Variants in DOK6 observed in about 807,000 individuals in gnomAD.
The protein encoded by DOK6 is docking protein 6, also known as downstream of tyrosine kinase 6.
A neutral mutation model predicts 44.0 loss-of-function variants in DOK6; 22 were observed. The ratio of observed to expected loss-of-function variants is 0.50; its 90% CI spans 0.36 to 0.71. The LOEUF (loss-of-function observed/expected upper bound fraction) is 0.71. Ranked by LOEUF, DOK6 falls within the 30% of genes least tolerant of loss-of-function variation. The pLI is 0.00. For synonymous variants in DOK6, 166 were observed against 145.5 expected (o/e 1.14, Z -1.01); for missense variants, 340 against 416.4 (o/e 0.82, Z 1.60).
intron 7 of DOK6, among the ~76,000 whole-genome samples, chr18:69,766,393 A>G (rs1211075005): frequency 2.6e-5 from 4 of 152,220 alleles, no homozygotes; most frequent in Non-Finnish European, 1.5e-5. Flanking sequence ...TGAATCTAAA[A>G]GAAAAGTCGA....
chr18:69,434,215 A>G lies in DOK6; in HGVS notation c.66+32905A>G, dbSNP rs77215446. The stretch of plus-strand genomic sequence containing the variant: ...TTGAGATGTGGTTTTCAATTTCTCT[A>G]CCATTCCACAAATACCTATTGATTT... On this transcript the variant is annotated intron_variant, in intron 1 of 7. Coordinates refer to ENST00000382713, the MANE Select transcript of DOK6 (RefSeq NM_152721.6). Among the ~76,000 whole-genome samples the G allele has an allele frequency of 3.8e-3, 581 of 152,290 alleles. 3 individuals are homozygous for G. Among genetic ancestry groups the G allele is most frequent in the African/African-American group, 0.013 (560 of 41,548 alleles).
chr18:69,479,697 AT>A (rs1248884420), intron 1 of DOK6, among the ~76,000 whole-genome samples: 1 of 152,176 alleles, frequency 6.6e-6, no homozygotes, highest in African/African-American at 2.4e-5. Flanking sequence ...AATACTCCTT[AT>A]CACCTGTGGT....
intron 1 of DOK6, among the ~76,000 whole-genome samples, chr18:69,402,356 C>G (rs948645106): frequency 5.9e-5 from 9 of 152,158 alleles, no homozygotes; most frequent in Non-Finnish European, 1.2e-4. Flanking sequence ...TCCTGTGTTC[C>G]CTGATGACTG....
At chr18:69,531,278 TTA>T (rs1354364201) in intron 1 of DOK6, among the ~76,000 whole-genome samples, 1 of 145,668 alleles carries the variant, frequency 6.9e-6, no homozygotes, top group Admixed American at 7.4e-5. Context: ...ATATAATATA[TTA>T]TATGTTATAT....
At chr18:69,801,951 A>G (rs2145106817) in intron 7 of DOK6, among the ~76,000 whole-genome samples, 1 of 152,278 alleles carries the variant, frequency 6.6e-6, no homozygotes, top group East Asian at 1.9e-4. Context: ...GCAAAGGAAG[A>G]AGGAAAAATT....
chr18:69,551,768 T>C (rs1160840362), intron 1 of DOK6, among the ~76,000 whole-genome samples: 1 of 152,206 alleles, frequency 6.6e-6, no homozygotes, highest in African/African-American at 2.4e-5. Context: ...CATCAAAATT[T>C]CACTCTTAGC....
At position 69,607,445 on chromosome 18, in the gene DOK6, A is replaced by G. The variant is rs150564591; in HGVS notation, c.289+7947A>G. ...TATTCGAGAGCGATTTAATTACTAT[A>G]TAAAGGAAAATAACAAGTCTTATTT... On this transcript the variant is annotated intron_variant, in intron 3 of 7. Transcript: ENST00000382713. Among the ~76,000 whole-genome samples the G allele has an allele frequency of 3.1e-3, 471 of 152,300 alleles. 5 individuals are homozygous for G. The highest frequency in any genetic ancestry group is 0.011 in the African/African-American group (438 of 41,582).
At position 69,841,451 on chromosome 18, in the gene DOK6, C is replaced by A. The variant is rs1982218129; in HGVS notation, c.*68C>A. 1 of 1,588,642 alleles carries A rather than the reference C, an allele frequency of 6.3e-7. No individual in the cohort carries two copies. Among genetic ancestry groups the A allele is most frequent in the African/African-American group, 1.3e-5 (1 of 74,380 alleles). ...GACCCGTCTGTGGGGTCATTACCCT[C>A]TGCCTCCTGGAAGACCAATTGCAGT... On this transcript the variant is annotated 3_prime_UTR_variant, in exon 8 of 8. Coordinates refer to ENST00000382713, the MANE Select transcript of DOK6 (RefSeq NM_152721.6).
At chr18:69,412,594 C>T (rs1978310949) in intron 1 of DOK6, among the ~76,000 whole-genome samples, 1 of 151,934 alleles carries the variant, frequency 6.6e-6, no homozygotes, top group African/African-American at 2.4e-5. Context: ...TGTTTTTCAC[C>T]ATATATTTCC....
intron 5 of DOK6, among the ~76,000 whole-genome samples, chr18:69,737,137 A>G (rs1344087744): frequency 2.6e-5 from 4 of 152,214 alleles, no homozygotes. Flanking sequence ...TTTAAATAAT[A>G]AGGGAAACCT....
chr18:69,470,765 G>A (rs1418628634), intron 1 of DOK6, among the ~76,000 whole-genome samples: 1 of 152,104 alleles, frequency 6.6e-6, no homozygotes, highest in East Asian at 1.9e-4. Context: ...AAAAGATGCT[G>A]GTAAACGAGC....
chr18:69,621,554 T>C (rs1984438916), intron 3 of DOK6, among the ~76,000 whole-genome samples: 1 of 152,152 alleles, frequency 6.6e-6, no homozygotes. Flanking sequence ...GAAGTGATTC[T>C]AATGGCTGAC....
Position 69,517,877 on chromosome 18 carries a change from G to A in DOK6, c.67-46610G>A, listed in dbSNP as rs1027089182. Among the ~76,000 whole-genome samples, 5 of 152,126 alleles carry A rather than the reference G, an allele frequency of 3.3e-5. 1 individual carries two copies. The highest frequency in any genetic ancestry group is 6.8e-3 in the Middle Eastern group (2 of 294). ...CTGTCCCAATTTAATCTTTGCAGGT[G>A]CTGTTTACCTTGTAGGCTAGATTTT... On this transcript the variant is annotated intron_variant, in intron 1 of 7. Transcript: ENST00000382713.
intron 7 of DOK6, among the ~76,000 whole-genome samples, chr18:69,761,800 A>G (rs1429110920): frequency 6.6e-6 from 1 of 152,160 alleles, no homozygotes; most frequent in Admixed American, 6.5e-5. Flanking sequence ...CTCAATGGCC[A>G]CTAGGAAGGT....
Position 69,617,731 on chromosome 18 carries a change from G to A in DOK6, c.289+18233G>A, listed in dbSNP as rs1344788149. Among the ~76,000 whole-genome samples the A allele has an allele frequency of 9.7e-3, 361 of 37,168 alleles. 1 individual carries two copies. Among genetic ancestry groups the A allele is most frequent in the South Asian group, 0.025 (17 of 690 alleles). The allele number at this position is 37,168 out of a possible 152,430, so 24.4% of individuals were successfully genotyped here. A position where few individuals can be genotyped will look rare whatever the true frequency, so the allele number is the denominator to read the frequency against. On this transcript the variant is annotated intron_variant, in intron 3 of 7. Coordinates refer to ENST00000382713, the MANE Select transcript of DOK6 (RefSeq NM_152721.6). ...GAAAAGAAAGAAAGAAAGAAAAAAG[G>A]GGGAAGGAGGGAAGGAAGGAAGGAA...
At chr18:69,740,539 A>G (rs1457620057) in intron 6 of DOK6, among the ~76,000 whole-genome samples, 1 of 152,192 alleles carries the variant, frequency 6.6e-6, no homozygotes, top group African/African-American at 2.4e-5. Context: ...TTATATTTTA[A>G]TGATGGAAAT....
rs564913089 is a variant in DOK6, at chr18:69,627,640, G to A, written c.289+28142G>A. ...GTTTTTTTGTATTTTTAGTAGAGAC[G>A]GGGTTTCACCGTGTTAGCCAGGATG... On this transcript the variant is annotated intron_variant, in intron 3 of 7. Coordinates refer to ENST00000382713, the MANE Select transcript of DOK6 (RefSeq NM_152721.6). Among the ~76,000 whole-genome samples, 15 of 151,954 alleles carry A rather than the reference G, an allele frequency of 9.9e-5. No individual in the cohort carries two copies. In the South Asian group the frequency reaches 2.5e-3, roughly 25 times the overall value.
intron 5 of DOK6, among the ~76,000 whole-genome samples, chr18:69,699,979 C>T (rs1986476685): frequency 6.6e-6 from 1 of 151,998 alleles, no homozygotes; most frequent in Non-Finnish European, 1.5e-5. Flanking sequence ...TCTCACATGG[C>T]AGCAGACGAG....
intron 6 of DOK6, among the ~76,000 whole-genome samples, chr18:69,747,420 G>T (rs1278711425): frequency 2.6e-5 from 4 of 152,168 alleles, no homozygotes; most frequent in Non-Finnish European, 4.4e-5. Context: ...GAGACAGTAA[G>T]ATTACCTAAG....
Sources: allele counts gnomAD v4.1 joint callset (sites outside exome capture counted in the v4.1 genomes callset), GRCh38; gene constraint gnomAD v4.1.1; transcripts MANE v1.5; gene names NCBI Gene and HGNC (gene_info 2026-07-23, HGNC 2026-07-21).